GATA4: variants seen among roughly 807,000 people sequenced by gnomAD.
GATA4 encodes transcription factor GATA-4.
In GATA4, 7 loss-of-function variants were observed where a neutral mutation model predicts 37.9. The ratio of observed to expected loss-of-function variants is 0.18; its 90% CI spans 0.11 to 0.35. The LOEUF is 0.35. Ranked by LOEUF, GATA4 falls within the 10% of genes least tolerant of loss-of-function variation. GATA4 has a pLI of 1.00. For missense variants in GATA4, 647 were observed against 653.0 expected (o/e 0.99, Z 0.10); for synonymous variants, 372 against 292.6 (o/e 1.27, Z -2.77).
intron 4 of GATA4, among the ~76,000 whole-genome samples, chr8:11,752,854 A>G (rs979266119): frequency 6.6e-5 from 10 of 152,236 alleles, no homozygotes; most frequent in Admixed American, 4.6e-4. Flanking sequence ...CAAAGCATGT[A>G]TACAAGGATG....
upstream of GATA4, among the ~76,000 whole-genome samples, chr8:11,690,432 A>G (rs1411320723): frequency 6.6e-6 from 1 of 152,238 alleles, no homozygotes; most frequent in Non-Finnish European, 1.5e-5. Flanking sequence ...GGAGACTAAA[A>G]TTTTGGAGAG....
At chr8:11,731,526 C>G (rs1434029374) in intron 2 of GATA4, among the ~76,000 whole-genome samples, 1 of 152,170 alleles carries the variant, frequency 6.6e-6, no homozygotes, top group East Asian at 1.9e-4. Context: ...CCAGAGCCGT[C>G]AAATTCATGA....
intron 1 of GATA4, chr8:11,693,198 G>T: frequency 1.5e-6 from 1 of 652,076 alleles, no homozygotes; most frequent in South Asian, 6.8e-5. Context: ...GGGCGCGGTG[G>T]CGCATATTTG....
At chr8:11,730,412 G>C (rs1278607642) in intron 2 of GATA4, among the ~76,000 whole-genome samples, 2 of 152,210 alleles carry the variant, frequency 1.3e-5, no homozygotes, top group African/African-American at 4.8e-5. Context: ...ATTCAGTGAA[G>C]GTGAACAGTC....
At chr8:11,746,742 G>A (rs1023094059) in intron 2 of GATA4, among the ~76,000 whole-genome samples, 4 of 152,248 alleles carry the variant, frequency 2.6e-5, no homozygotes, top group African/African-American at 7.2e-5. Context: ...AGCTATGGGC[G>A]GGAGTGGCCG....
At chr8:11,694,524 C>T in intron 1 of GATA4, 1 of 985,346 alleles carries the variant, frequency 1.0e-6, no homozygotes, top group Non-Finnish European at 1.2e-6. Context: ...CTTTTGGTTC[C>T]TCTGCTGCTT....
intron 1 of GATA4, among the ~76,000 whole-genome samples, chr8:11,677,223 G>T (rs923764863): frequency 6.6e-6 from 1 of 152,222 alleles, no homozygotes; most frequent in African/African-American, 2.4e-5. Context: ...GCGTGGGGCC[G>T]AGGCGGAGGC....
chr8:11,707,269 C>T lies in GATA4; in HGVS notation c.-457-587C>T, dbSNP rs1301819287. On this transcript the variant is annotated intron_variant, in intron 1 of 6. Coordinates refer to ENST00000532059, the MANE Select transcript of GATA4 (RefSeq NM_001308093.3). The surrounding 1 kb of genome is among the most constrained non-coding windows in gnomAD (Gnocchi z 4.7). ...GGGTTTCAGAACCCTCTTCAGGAGG[C>T]TTAGCAGACACCGTTGTTCACTTAT... 6.6e-6 allele frequency among the ~76,000 whole-genome samples: 1 copy of T among 151,576 alleles called. No homozygotes were observed. Among genetic ancestry groups the T allele is most frequent in the Non-Finnish European group, 1.5e-5 (1 of 67,964 alleles).
chr8:11,693,551 A>T (rs1453352044), intron 1 of GATA4, among the ~76,000 whole-genome samples: 1 of 119,692 alleles, frequency 8.4e-6, no homozygotes, highest in East Asian at 3.5e-4. Context: ...ACACACACAC[A>T]CACACACACA....
At chr8:11,757,981 TG>T (rs1225816795) in intron 6 of GATA4, among the ~76,000 whole-genome samples, 1 of 152,180 alleles carries the variant, frequency 6.6e-6, no homozygotes, top group Non-Finnish European at 1.5e-5. Flanking sequence ...AAAGTGGATG[TG>T]GTGGTGATAG....
intron 2 of GATA4, among the ~76,000 whole-genome samples, chr8:11,742,664 T>TC (rs1217685050): frequency 3.3e-5 from 5 of 152,188 alleles, no homozygotes; most frequent in African/African-American, 1.2e-4. Context: ...TGTGTGGGCC[T>TC]CCCCGTGACA....
intron 5 of GATA4, chr8:11,756,649 T>G: frequency 3.9e-6 from 2 of 507,940 alleles, no homozygotes; most frequent in Non-Finnish European, 3.6e-6. Flanking sequence ...ATACACAGTA[T>G]TTGGATTTTT....
upstream of GATA4, among the ~76,000 whole-genome samples, chr8:11,701,429 C>T (rs568529273): frequency 5.8e-3 from 883 of 152,224 alleles, 7 homozygotes; most frequent in Non-Finnish European, 8.1e-3. Flanking sequence ...CGCTGCCCCC[C>T]TTCCCAGCGG....
rs1336667597 is a variant in GATA4 at position 11,708,618 on chromosome 8, G to C, written c.306G>C (p.Pro102=). 1 of 1,342,304 alleles carries C rather than the reference G, an allele frequency of 7.4e-7. No individual in the cohort carries two copies. Among genetic ancestry groups the C allele is most frequent in the Non-Finnish European group, 9.5e-7 (1 of 1,048,552 alleles). 83.1% of individuals were successfully genotyped at this position (1,342,304 alleles called of 1,614,324 possible). The change falls in exon 2 of 7, where the codon CCG becomes CCC. Residue 102 remains proline, a synonymous_variant. Coordinates refer to ENST00000532059, the MANE Select transcript of GATA4 (RefSeq NM_001308093.3). The surrounding 1 kb of genome is among the most constrained non-coding windows in gnomAD (Gnocchi z 6.7). ...CCGACGGAGCCGCTTACACCCCGCCGCCGGTGTCGCCGCGCTTCTCCTTCC... is the reference window on the plus strand; with the variant it reads ...CCGACGGAGCCGCTTACACCCCGCCCCCGGTGTCGCCGCGCTTCTCCTTCC... ...AGADGAAYTP[P]PVSPRFSFPG... is the part of the protein sequence containing the mutation.
chr8:11,708,834 C>T lies in GATA4; in HGVS notation c.522C>T (p.Ala174=). 1 of 1,495,456 alleles carries T rather than the reference C, an allele frequency of 6.7e-7. No individual in the cohort carries two copies. The highest frequency in any genetic ancestry group is 8.8e-7 in the Non-Finnish European group (1 of 1,130,194). 92.6% of individuals were successfully genotyped at this position (1,495,456 alleles called of 1,614,324 possible). A position where few individuals can be genotyped will look rare whatever the true frequency, so the allele number is the denominator to read the frequency against. The change falls in exon 2 of 7, where the codon GCC becomes GCT. Residue 174 remains alanine, a synonymous_variant. Transcript: ENST00000532059. The surrounding 1 kb of genome is among the most constrained non-coding windows in gnomAD (Gnocchi z 6.7). ...AYMADVGASW[A]AAAAASAGPF... Reference sequence around the variant, plus strand: ...TGGCCGACGTGGGCGCGTCCTGGGCCGCAGCCGCCGCCGCCTCCGCCGGCC... The same window carrying T: ...TGGCCGACGTGGGCGCGTCCTGGGCTGCAGCCGCCGCCGCCTCCGCCGGCC...
chr8:11,739,858 G>T (rs987961931), intron 2 of GATA4, among the ~76,000 whole-genome samples: 1 of 152,174 alleles, frequency 6.6e-6, no homozygotes, highest in African/African-American at 2.4e-5. Context: ...TTCTCTTATG[G>T]ATATTCACGA....
chr8:11,743,068 C>T (rs1801837476), intron 2 of GATA4, among the ~76,000 whole-genome samples: 1 of 152,372 alleles, frequency 6.6e-6, no homozygotes, highest in African/African-American at 2.4e-5. Context: ...GCCCCGGGCA[C>T]GGGCCCTTTC....
At chr8:11,728,956 G>T (rs1302889505) in intron 2 of GATA4, among the ~76,000 whole-genome samples, 1 of 152,208 alleles carries the variant, frequency 6.6e-6, no homozygotes, top group Non-Finnish European at 1.5e-5. Flanking sequence ...CTGACGGCCA[G>T]GCGTGGTGGC....
intron 2 of GATA4, among the ~76,000 whole-genome samples, chr8:11,717,682 C>G (rs1050928801): frequency 1.3e-5 from 2 of 152,166 alleles, no homozygotes; most frequent in South Asian, 2.1e-4. Context: ...CATGACTTGT[C>G]GCTCCCATCC....
Sources: gnomAD v4.1 joint callset for allele counts (sites outside exome capture counted in the v4.1 genomes callset) on GRCh38, gnomAD v4.1.1 for gene constraint, Gnocchi (gnomAD v3.1) non-coding constraint, MANE v1.5 for transcripts, NCBI Gene and HGNC (gene_info 2026-07-23, HGNC 2026-07-21) for gene names.